The following ANO1 variants were observed in gnomAD, a reference collection of about 807,000 sequenced individuals.
The protein encoded by ANO1 is anoctamin-1.
In ANO1, 59 loss-of-function variants were observed where a neutral mutation model predicts 124.0. The observed-to-expected ratio is 0.48, with a 90% CI of 0.39 to 0.59. The LOEUF (loss-of-function observed/expected upper bound fraction) is 0.59. Ranked by LOEUF, ANO1 falls within the 20% of genes least tolerant of loss-of-function variation. The probability of loss-of-function intolerance (pLI) is 0.00; values close to 1 mark genes in which losing one functional copy is unlikely to be tolerated. For synonymous variants in ANO1, 529 were observed against 532.0 expected, an observed-to-expected ratio of 0.99 and a Z score of 0.08; for missense variants, 1,059 against 1,328.0, an observed-to-expected ratio of 0.80 and a Z score of 3.15.
At chr11:70,016,994 G>C (rs78720202) in intron 1 of ANO1, among the ~76,000 whole-genome samples, 95 of 152,276 alleles carry the variant, frequency 6.2e-4, no homozygotes, top group African/African-American at 2.2e-3. Context: ...TCTTTTCCCG[G>C]TCTTTCTTCC....
intron 10 of ANO1, among the ~76,000 whole-genome samples, chr11:70,129,119 C>T (rs1041796138): frequency 2.6e-5 from 4 of 152,236 alleles, no homozygotes; most frequent in Non-Finnish European, 5.9e-5. Context: ...CTTCTGCCCT[C>T]AAGAGGCCCT....
chr11:70,104,574 C>T (rs943287616), intron 4 of ANO1, among the ~76,000 whole-genome samples: 12 of 152,190 alleles, frequency 7.9e-5, no homozygotes, highest in Admixed American at 5.2e-4. Context: ...GGCAGGAGGC[C>T]TGAGGCCCCA....
chr11:70,018,218 A>T (rs1184492903), intron 1 of ANO1: 1 of 152,234 alleles, frequency 6.6e-6, no homozygotes, highest in Non-Finnish European at 1.5e-5. Flanking sequence ...TTAGCTGTGC[A>T]TGGGGGCACA....
intron 1 of ANO1, among the ~76,000 whole-genome samples, chr11:70,020,133 C>G (rs1256293310): frequency 5.9e-5 from 9 of 152,204 alleles, no homozygotes; most frequent in Admixed American, 3.3e-4. Context: ...TTAAAGCTGA[C>G]TCATTTGAGG....
intron 8 of ANO1, among the ~76,000 whole-genome samples, chr11:70,119,162 A>G (rs1425083053): frequency 6.9e-6 from 1 of 144,614 alleles, no homozygotes; most frequent in Non-Finnish European, 1.5e-5. Flanking sequence ...TGGAGGAATT[A>G]ATGATGGATG....
At chr11:70,136,450 G>A (rs199968972) in intron 11 of ANO1, among the ~76,000 whole-genome samples, 3 of 118,316 alleles carry the variant, frequency 2.5e-5, no homozygotes, top group East Asian at 2.7e-4. Context: ...CACCTCCCTC[G>A]CCTCACCCTG....
At chr11:69,988,022 C>G (rs1311438286) in intron 1 of ANO1, among the ~76,000 whole-genome samples, 1 of 152,118 alleles carries the variant, frequency 6.6e-6, no homozygotes, top group South Asian at 2.1e-4. Context: ...GGAGTAAGAC[C>G]CCAGGACGGG....
At chr11:70,172,160 GTAACTT>G (rs2048504192) in intron 22 of ANO1, among the ~76,000 whole-genome samples, 1 of 141,658 alleles carries the variant, frequency 7.1e-6, no homozygotes, top group Non-Finnish European at 1.6e-5. Context: ...AAGAAAAAGA[GTAACTT>G]TAATAGTCAG....
In ANO1 at chr11:70,002,105, C is replaced by T. The variant is rs139481746; in HGVS notation, c.58+15939C>T. Among the ~76,000 whole-genome samples, 6 of 152,162 alleles carry T rather than the reference C, an allele frequency of 3.9e-5. No homozygotes were observed. In the East Asian group the frequency reaches 7.7e-4, roughly 20 times the overall value. ...GTGCTATTACAATCTTAGGTGGTCCCGTAAGATTGTAATACCATATTTTTA... is the reference window on the plus strand; with the variant it reads ...GTGCTATTACAATCTTAGGTGGTCCTGTAAGATTGTAATACCATATTTTTA... On this transcript the variant is annotated intron_variant, in intron 1 of 27. Transcript: ENST00000531349.
At position 70,105,782 on chromosome 11, in the gene ANO1, C is replaced by T; in HGVS notation, c.741C>T (p.Ser247=). ...CCTTTTTCGACAGCAAAACCCGGAG[C>T]ACGATTGTAAGTATCGCACGCGCCT... ...KDSFFDSKTR[S]TIVYEILKRT... Residue 247 remains serine, a synonymous_variant, in exon 5 of 26, where the codon AGC becomes AGT. Coordinates refer to ENST00000355303, the MANE Select transcript of ANO1 (RefSeq NM_018043.7). 6.2e-7 allele frequency: 1 copy of T among 1,613,592 alleles called. No homozygotes were observed. The highest frequency in any genetic ancestry group is 2.2e-5 in the East Asian group (1 of 44,856).
intron 1 of ANO1, among the ~76,000 whole-genome samples, chr11:70,045,028 T>C (rs1160213419): frequency 6.6e-6 from 1 of 152,140 alleles, no homozygotes; most frequent in Non-Finnish European, 1.5e-5. Context: ...TAGGGGAAAA[T>C]GCATAGATAT....
At chr11:70,183,573 C>G (rs563397696) in intron 24 of ANO1, among the ~76,000 whole-genome samples, 1 of 152,210 alleles carries the variant, frequency 6.6e-6, no homozygotes, top group Non-Finnish European at 1.5e-5. Flanking sequence ...CAGATGCTAG[C>G]AGGCAAAGCC....
At chr11:70,066,967 C>T (rs760264230) in intron 1 of ANO1, among the ~76,000 whole-genome samples, 23 of 152,204 alleles carry the variant, frequency 1.5e-4, no homozygotes, top group East Asian at 1.9e-4. Context: ...AGCCCCCCAG[C>T]GGGGAGGCCA....
intron 25 of ANO1, 109 bp from the exon 26 acceptor site, chr11:70,187,628 GC>G: frequency 2.2e-6 from 3 of 1,375,428 alleles, no homozygotes; most frequent in Non-Finnish European, 3.0e-6. Context: ...AGGTCAATGG[GC>G]CAGGAGGTGG....
At chr11:70,084,827 C>T (rs549792252) in intron 1 of ANO1, among the ~76,000 whole-genome samples, 2 of 152,304 alleles carry the variant, frequency 1.3e-5, no homozygotes, top group South Asian at 2.1e-4. Flanking sequence ...TCCCCATGCC[C>T]CTCAGCACCA....
At chr11:70,067,987 C>T (rs1373140212) in intron 1 of ANO1, among the ~76,000 whole-genome samples, 4 of 152,198 alleles carry the variant, frequency 2.6e-5, no homozygotes, top group East Asian at 3.8e-4. Context: ...CAGCTTAACA[C>T]GTAGAAGGAC....
At chr11:70,022,472 G>T (rs1856825729) in intron 1 of ANO1, among the ~76,000 whole-genome samples, 1 of 152,090 alleles carries the variant, frequency 6.6e-6, no homozygotes, top group African/African-American at 2.4e-5. Context: ...GGTGGCAGGT[G>T]CCTCTAGTCC....
intron 1 of ANO1, among the ~76,000 whole-genome samples, chr11:70,020,039 G>T (rs1417207425): frequency 3.3e-5 from 5 of 152,218 alleles, no homozygotes; most frequent in Non-Finnish European, 7.3e-5. Context: ...GTTGGGGAGA[G>T]GCCAGCAGGG....
intron 1 of ANO1, among the ~76,000 whole-genome samples, chr11:70,011,686 G>A (rs371679680): frequency 1.3e-5 from 2 of 152,146 alleles, no homozygotes; most frequent in Non-Finnish European, 2.9e-5. Flanking sequence ...ATTTGAAGAG[G>A]TCCACTATTT....
Sources: gnomAD v4.1 joint callset for allele counts (sites outside exome capture counted in the v4.1 genomes callset) on GRCh38, gnomAD v4.1.1 for gene constraint, MANE v1.5 for transcripts, NCBI Gene and HGNC (gene_info 2026-07-23, HGNC 2026-07-21) for gene names.